The following HIPK2 variants were observed in gnomAD, a reference collection of about 807,000 sequenced individuals.
HIPK2 encodes homeodomain-interacting protein kinase 2.
Under a neutral mutation model 113.7 loss-of-function variants are expected in HIPK2, and 27 were observed. The observed-to-expected ratio is 0.24, with a 90% confidence interval of 0.17 to 0.33. HIPK2 has a LOEUF of 0.33. Ranked by LOEUF, HIPK2 falls within the 10% of genes least tolerant of loss-of-function variation. The probability of loss-of-function intolerance (pLI) is 1.00; values close to 1 mark genes in which losing one functional copy is unlikely to be tolerated. For missense variants in HIPK2, 1,257 were observed against 1,588.0 expected (o/e 0.79, Z 3.54); for synonymous variants, 631 against 642.2 (o/e 0.98, Z 0.26).
chr7:139,720,520 C>T (rs909632473), intron 1 of HIPK2, among the ~76,000 whole-genome samples: 1 of 152,218 alleles, frequency 6.6e-6, no homozygotes, highest in Admixed American at 6.5e-5. Context: ...CCCGTTTCTT[C>T]CCACTGTTCT....
chr7:139,713,083 G>C (rs187183637), intron 2 of HIPK2, among the ~76,000 whole-genome samples: 1 of 152,212 alleles, frequency 6.6e-6, no homozygotes, highest in East Asian at 1.9e-4. Context: ...GTGAAAAGAG[G>C]GTACTATCAC....
chr7:139,654,157 C>CA (rs1801573895), intron 2 of HIPK2, among the ~76,000 whole-genome samples: 1 of 152,206 alleles, frequency 6.6e-6, no homozygotes, highest in South Asian at 2.1e-4. Context: ...ATAGGTTTAA[C>CA]AGCATGAGAT....
intron 6 of HIPK2, among the ~76,000 whole-genome samples, chr7:139,626,131 C>T (rs1398881935): frequency 6.8e-6 from 1 of 147,372 alleles, no homozygotes; most frequent in Non-Finnish European, 1.5e-5. Context: ...GAGATGGAGT[C>T]TCGCTCTGTC....
chr7:139,697,893 G>A (rs1489654137), intron 2 of HIPK2, among the ~76,000 whole-genome samples: 7 of 144,014 alleles, frequency 4.9e-5, no homozygotes, highest in South Asian at 2.1e-4. Flanking sequence ...TTTTTGAGAC[G>A]GAGTCTCGCT....
At chr7:139,753,123 G>A (rs755663532) in intron 1 of HIPK2, among the ~76,000 whole-genome samples, 2 of 152,160 alleles carry the variant, frequency 1.3e-5, no homozygotes, top group South Asian at 4.1e-4. Context: ...CTGAACCAGT[G>A]GGCACAGGGC....
At chr7:139,579,802 C>T (rs114750061) in intron 13 of HIPK2, among the ~76,000 whole-genome samples, 1,618 of 152,218 alleles carry the variant, frequency 0.011, 40 homozygotes, top group African/African-American at 0.038. Flanking sequence ...CAAATCCAAC[C>T]GTGCATTTGC....
At chr7:139,657,113 C>T (rs1339808944) in intron 2 of HIPK2, among the ~76,000 whole-genome samples, 1 of 152,186 alleles carries the variant, frequency 6.6e-6, no homozygotes, top group African/African-American at 2.4e-5. Context: ...TCAAATGATC[C>T]TCCAGCCTTG....
chr7:139,633,540 G>T (rs1213177591), intron 2 of HIPK2, among the ~76,000 whole-genome samples: 1 of 152,028 alleles, frequency 6.6e-6, no homozygotes, highest in Non-Finnish European at 1.5e-5. Context: ...GGCCAGGTGT[G>T]GTGGCTCATG....
intron 6 of HIPK2, among the ~76,000 whole-genome samples, chr7:139,621,925 G>A (rs111230468): frequency 0.068 from 5,072 of 74,738 alleles, 142 homozygotes; most frequent in African/African-American, 0.11. Context: ...CCTGTCTCAG[G>A]AAAAAAAAAA....
At chr7:139,600,894 TC>T (rs1342771500) in intron 10 of HIPK2, among the ~76,000 whole-genome samples, 2 of 152,172 alleles carry the variant, frequency 1.3e-5, no homozygotes, top group Non-Finnish European at 2.9e-5. Flanking sequence ...AAATATTCCC[TC>T]CAACTTTTAA....
Position 139,758,233 on chromosome 7 carries a change from T to C in HIPK2, c.19+19372A>G, listed in dbSNP as rs542427887. ...AGAGCAACGAGGGAGAACTAGTCTT[T>C]TCAGATATGAAAAGATGATATAAAT... On this transcript the variant is annotated intron_variant, in intron 1 of 14. Transcript: ENST00000406875. Among the ~76,000 whole-genome samples the C allele has an allele frequency of 2.0e-5, 3 of 152,208 alleles. No homozygotes were observed. The East Asian group carries it at 5.8e-4, about 29-fold the overall frequency.
intron 2 of HIPK2, among the ~76,000 whole-genome samples, chr7:139,663,921 G>C (rs1322925253): frequency 1.3e-5 from 2 of 152,100 alleles, no homozygotes; most frequent in Non-Finnish European, 1.5e-5. Context: ...AAATATTCTT[G>C]TCCTCGACTT....
chr7:139,696,668 C>T (rs1035715797), intron 2 of HIPK2, among the ~76,000 whole-genome samples: 2 of 151,948 alleles, frequency 1.3e-5, no homozygotes, highest in Non-Finnish European at 2.9e-5. Context: ...AACCCAGATA[C>T]TTTTCACTTC....
intron 6 of HIPK2, among the ~76,000 whole-genome samples, chr7:139,621,498 G>A (rs1003928483): frequency 2.6e-5 from 4 of 152,318 alleles, no homozygotes; most frequent in Non-Finnish European, 2.9e-5. Context: ...CAGGGAAAAG[G>A]AAAGCCACAA....
chr7:139,716,568 T>C lies in HIPK2; in HGVS notation c.467A>G (p.Asn156Ser). The change falls in exon 2 of 15, where the codon AAT becomes AGT. Residue 156 changes from asparagine to serine, a missense_variant. Around this residue, in one of 5 missense-constraint regions of HIPK2, gnomAD observed 209 missense variants for 237.8 expected, o/e 0.88. Transcript: ENST00000406875. This position sits in a 1 kb window ranked among gnomAD's most constrained non-coding sequence, Gnocchi z 9.3. ...GGCGACAGTGGCCCCGCTTGCATTA[T>C]TCTGAATCATGGGTGGATGCTCCTC... ...IIEEHPPMIQ[N>S]NASGATVATA... 2.5e-6 allele frequency: 4 copies of C among 1,614,004 alleles called. No homozygotes were observed. Among genetic ancestry groups the C allele is most frequent in the Non-Finnish European group, 2.5e-6 (3 of 1,179,884 alleles).
At position 139,613,532 on chromosome 7, in the gene HIPK2, T is replaced by C. The variant is rs1585277749; in HGVS notation, c.1991-209A>G. The C allele has an allele frequency of 1.0e-5, 2 of 194,122 alleles. No homozygotes were observed. Among genetic ancestry groups the C allele is most frequent in the Non-Finnish European group, 1.9e-5 (2 of 106,382 alleles). 12.0% of individuals were successfully genotyped at this position (194,122 alleles called of 1,614,324 possible). On this transcript the variant is annotated intron_variant, in intron 8 of 14. Transcript: ENST00000406875. The surrounding 1 kb of genome is among the most constrained non-coding windows in gnomAD (Gnocchi z 4.2). The stretch of plus-strand genomic sequence containing the variant: ...AACTCCTCCTGAAATCTTGAATGTC[T>C]TCAAAGGCTAGAAGGTCAGATTAAG...
intron 1 of HIPK2, among the ~76,000 whole-genome samples, chr7:139,758,164 G>A (rs1796392394): frequency 6.6e-6 from 1 of 152,134 alleles, no homozygotes; most frequent in Admixed American, 6.5e-5. Flanking sequence ...AAGTTCATAT[G>A]GAATAACAAA....
intron 1 of HIPK2, among the ~76,000 whole-genome samples, chr7:139,752,946 G>C (rs1329517565): frequency 2.6e-5 from 4 of 152,144 alleles, no homozygotes; most frequent in Admixed American, 1.3e-4. Flanking sequence ...AGGCAGAAAT[G>C]AGCACAAGTT....
At chr7:139,679,595 T>C (rs952709402) in intron 2 of HIPK2, among the ~76,000 whole-genome samples, 1 of 152,178 alleles carries the variant, frequency 6.6e-6, no homozygotes, top group African/African-American at 2.4e-5. Flanking sequence ...GGGGGAAAAT[T>C]CCAGGAGAGC....
Sources: allele counts gnomAD v4.1 joint callset (sites outside exome capture counted in the v4.1 genomes callset), GRCh38; gene constraint gnomAD v4.1.1; regional missense constraint gnomAD v4.1.1; non-coding constraint Gnocchi (gnomAD v3.1); transcripts MANE v1.5; gene names NCBI Gene and HGNC (gene_info 2026-07-23, HGNC 2026-07-21).